Variants in CCDC124 observed in about 807,000 individuals in gnomAD.
CCDC124 encodes coiled-coil domain-containing protein 124.
In CCDC124, 9 loss-of-function variants were observed where a neutral mutation model predicts 19.8. The ratio of observed to expected loss-of-function variants is 0.45; its 90% CI spans 0.27 to 0.79. The LOEUF (loss-of-function observed/expected upper bound fraction) is 0.79. Ranked by LOEUF, CCDC124 falls within the 30% of genes least tolerant of loss-of-function variation. The pLI is 0.14. For missense variants in CCDC124, 285 were observed against 319.0 expected (o/e 0.89, Z 0.81); for synonymous variants, 126 against 131.3 (o/e 0.96, Z 0.27).
In CCDC124 at chr19:17,942,513, G is replaced by A. The variant is rs2031205673; in HGVS notation, c.160-143G>A. Reference sequence around the variant, plus strand: ...CATCCCCCGCCCAGGGCAGCACCGGGACCTATCTTGTTCCTGGTATGTCCC... The same window carrying A: ...CATCCCCCGCCCAGGGCAGCACCGGAACCTATCTTGTTCCTGGTATGTCCC... On this transcript the variant is annotated intron_variant, in intron 2 of 4. Transcript: ENST00000445755. The surrounding 1 kb of genome is among the most constrained non-coding windows in gnomAD (Gnocchi z 4.2). The A allele has an allele frequency of 3.3e-6, 3 of 911,118 alleles. No homozygotes were observed. Among genetic ancestry groups the A allele is most frequent in the Admixed American group, 5.5e-5 (2 of 36,548 alleles). The allele number at this position is 911,118 out of a possible 1,614,324, so 56.4% of individuals were successfully genotyped here. A position where few individuals can be genotyped will look rare whatever the true frequency, so the allele number is the denominator to read the frequency against.
At position 17,942,732 on chromosome 19, in the gene CCDC124, C is replaced by T. The variant is rs1290043087; in HGVS notation, c.236C>T (p.Ser79Phe). Residue 79 changes from serine to phenylalanine, a missense_variant, in exon 3 of 5, where the codon TCC becomes TTC. By Grantham distance (155) the Ser-to-Phe change is radical (BLOSUM62 -2). Transcript: ENST00000445755. The surrounding 1 kb of genome is among the most constrained non-coding windows in gnomAD (Gnocchi z 4.2). ...CAGCGCCTACTGGAGGAGGAGGACT[C>T]CAAGCTCAAGGGCGGCAAGGCGCCG... ...ETQRLLEEED[S>F]KLKGGKAPRV... 1.3e-6 allele frequency: 2 copies of T among 1,551,126 alleles called. No individual in the cohort carries two copies. Among genetic ancestry groups the T allele is most frequent in the Admixed American group, 2.0e-5 (1 of 50,976 alleles).
In CCDC124 at chr19:17,942,755, C is replaced by G; in HGVS notation, c.259C>G (p.Pro87Ala). The change falls in exon 3 of 5, where the codon CCG becomes GCG. Residue 87 changes from proline to alanine, a missense_variant. Physicochemically the swap from Pro to Ala is conservative, Grantham distance 27. Transcript: ENST00000445755. This position sits in a 1 kb window ranked among gnomAD's most constrained non-coding sequence, Gnocchi z 4.2. ...EDSKLKGGKA[P>A]RVATSSKVTR... is the part of the protein sequence containing the mutation. Reference sequence around the variant, plus strand: ...CTCCAAGCTCAAGGGCGGCAAGGCGCCGCGGGTGGCCACGTCCAGCAAGGT... The same window carrying G: ...CTCCAAGCTCAAGGGCGGCAAGGCGGCGCGGGTGGCCACGTCCAGCAAGGT... 6.5e-7 allele frequency: 1 copy of G among 1,548,754 alleles called. No homozygotes were observed. Among genetic ancestry groups the G allele is most frequent in the Non-Finnish European group, 8.7e-7 (1 of 1,146,724 alleles).
intron 1 of CCDC124, among the ~76,000 whole-genome samples, chr19:17,934,776 C>T (rs1252462384): frequency 1.3e-5 from 2 of 152,124 alleles, no homozygotes; most frequent in African/African-American, 4.8e-5. Context: ...GAGTGAGACC[C>T]TGTCTCCAAA....
In CCDC124 at chr19:17,943,879, G is replaced by T; in HGVS notation, c.*164G>T. On this transcript the variant is annotated 3_prime_UTR_variant, in exon 5 of 5. Coordinates refer to ENST00000445755, the MANE Select transcript of CCDC124 (RefSeq NM_001136203.2). ...CAGCCACCCGTCCTCCCGCCAGAGG[G>T]TCCCTGCCCCGAGTGACACCCCATC... 3 of 672,092 alleles carry T rather than the reference G, an allele frequency of 4.5e-6. No homozygotes were observed. The highest frequency in any genetic ancestry group is 3.8e-5 in the South Asian group (2 of 52,586). The allele number at this position is 672,092 out of a possible 1,614,324, so 41.6% of individuals were successfully genotyped here. A position where few individuals can be genotyped will look rare whatever the true frequency, so the allele number is the denominator to read the frequency against.
At position 17,942,286 on chromosome 19, in the gene CCDC124, C is replaced by T. The variant is rs2031812674; in HGVS notation, c.160-370C>T. Among the ~76,000 whole-genome samples, 3 of 152,256 alleles carry T rather than the reference C, an allele frequency of 2.0e-5. No homozygotes were observed. Among genetic ancestry groups the T allele is most frequent in the African/African-American group, 2.4e-5 (1 of 41,554 alleles). On this transcript the variant is annotated intron_variant, in intron 2 of 4. Coordinates refer to ENST00000445755, the MANE Select transcript of CCDC124 (RefSeq NM_001136203.2). This position sits in a 1 kb window ranked among gnomAD's most constrained non-coding sequence, Gnocchi z 4.2. ...CTCCCTCCCGGCCTCTTCCCCCTCC[C>T]GCTTCACTCCCACTCCAGCCTCCAA... is the stretch of plus-strand genomic sequence containing the variant.
At chr19:17,940,972 G>C (rs538952427) in intron 2 of CCDC124, among the ~76,000 whole-genome samples, 2 of 151,530 alleles carry the variant, frequency 1.3e-5, no homozygotes, top group Admixed American at 6.6e-5. Context: ...GCATGAACCC[G>C]GGAGGAGGAG....
chr19:17,943,186 T>C, intron 3 of CCDC124, 75 bp from the exon 4 acceptor site: 1 of 1,222,192 alleles, frequency 8.2e-7, no homozygotes, highest in Non-Finnish European at 1.2e-6. Flanking sequence ...CTCTTGCCAG[T>C]CTCTATCTCA....
At position 17,943,887 on chromosome 19, in the gene CCDC124, C is replaced by G. The variant is rs1048246262; in HGVS notation, c.*172C>G. On this transcript the variant is annotated 3_prime_UTR_variant, in exon 5 of 5. Transcript: ENST00000445755. ...CGTCCTCCCGCCAGAGGGTCCCTGC[C>G]CCGAGTGACACCCCATCCCCTCCCA... 2 of 640,010 alleles carry G rather than the reference C, an allele frequency of 3.1e-6. No homozygotes were observed. Among genetic ancestry groups the G allele is most frequent in the African/African-American group, 3.7e-5 (2 of 54,570 alleles). The allele number at this position is 640,010 out of a possible 1,614,324, so 39.6% of individuals were successfully genotyped here.
Position 17,943,241 on chromosome 19 carries a change from T to TCGGGGGGGGGCCCCC in CCDC124, c.350-19_350-18insGGGGGGGGGCCCCCC. 11 of 736,678 alleles carry TCGGGGGGGGGCCCCC rather than the reference T, an allele frequency of 1.5e-5. No individual in the cohort carries two copies. The highest frequency in any genetic ancestry group is 2.4e-5 in the Non-Finnish European group (10 of 414,970). 45.6% of individuals were successfully genotyped at this position (736,678 alleles called of 1,614,324 possible). A position where few individuals can be genotyped will look rare whatever the true frequency, so the allele number is the denominator to read the frequency against. On this transcript the variant is annotated intron_variant, in intron 3 of 4. Transcript: ENST00000445755. ...CTTTGCTTATCTCTCTCTGTCTCTG[T>TCGGGGGGGGGCCCCC]CACCCACCCACCCGCCCAGCCGAGA...
intron 1 of CCDC124, among the ~76,000 whole-genome samples, chr19:17,934,904 CCTTG>C (rs1436787503): frequency 2.5e-4 from 8 of 32,426 alleles, no homozygotes; most frequent in Non-Finnish European, 4.8e-4. Context: ...TGCCTTGTTT[CCTTG>C]TTTCCTTTTT....
rs760827266 is a variant in CCDC124 at position 17,943,602 on chromosome 19, G to A, written c.559G>A (p.Glu187Lys). ...AGCCCAGCTGCCGCGGCTCAAACAA[G>A]AGAACCCCAACATGCGGCTGTCGCA... ...EEAQLPRLKQ[E>K]NPNMRLSQLK... The change falls in exon 5 of 5, where the codon GAG becomes AAG. Residue 187 changes from glutamate (E) to lysine (K), a missense_variant. Glu to Lys is a moderately conservative substitution (Grantham distance 56). Transcript: ENST00000445755. 4 of 1,613,026 alleles carry A rather than the reference G, an allele frequency of 2.5e-6. No homozygotes were observed. The highest frequency in any genetic ancestry group is 3.3e-5 in the Admixed American group (2 of 59,998).
chr19:17,938,777 G>C (rs2031114956), intron 2 of CCDC124, among the ~76,000 whole-genome samples: 1 of 151,832 alleles, frequency 6.6e-6, no homozygotes, highest in Non-Finnish European at 1.5e-5. Flanking sequence ...TTTTGTGTAG[G>C]GGGTGGGGGT....
chr19:17,940,321 A>G (rs2031151634), intron 2 of CCDC124, among the ~76,000 whole-genome samples: 1 of 152,112 alleles, frequency 6.6e-6, no homozygotes, highest in South Asian at 2.1e-4. Flanking sequence ...GGGACAAGGT[A>G]TGGAGGGGGT....
Sources: gnomAD v4.1 joint callset for allele counts (sites outside exome capture counted in the v4.1 genomes callset) on GRCh38, gnomAD v4.1.1 for gene constraint, Gnocchi (gnomAD v3.1) non-coding constraint, MANE v1.5 for transcripts, NCBI Gene and HGNC (gene_info 2026-07-23, HGNC 2026-07-21) for gene names.